SERINC2: variants seen among roughly 807,000 people sequenced by gnomAD.
SERINC2 encodes serine incorporator 2.
Under a neutral mutation model 54.2 loss-of-function variants are expected in SERINC2, and 56 were observed. That is an observed-to-expected ratio of 1.03 (90% CI 0.83 to 1.29). The LOEUF is 1.29. Among genes scored for constraint, SERINC2 ranks in the 50% most tolerant of loss-of-function variants. The probability of loss-of-function intolerance (pLI) is 0.00; values close to 1 mark genes in which losing one functional copy is unlikely to be tolerated. For synonymous variants in SERINC2, 272 were observed against 253.1 expected (o/e 1.07, Z -0.71); for missense variants, 614 against 607.4 (o/e 1.01, Z -0.12).
In SERINC2 at chr1:31,413,794, G is replaced by A; in HGVS notation, c.39+490G>A. The stretch of plus-strand genomic sequence containing the variant: ...GCCAGTCCGCCTGTTCCTGTCGCTC[G>A]GGCTCCGCCTGTCCGTTCGTATTTG... On this transcript the variant is annotated intron_variant, in intron 1 of 9. Coordinates refer to ENST00000373709, the MANE Select transcript of SERINC2 (RefSeq NM_178865.5). This position sits in a 1 kb window ranked among gnomAD's most constrained non-coding sequence, Gnocchi z 5.0. 7 of 1,376,488 alleles carry A rather than the reference G, an allele frequency of 5.1e-6. No individual in the cohort carries two copies. Among genetic ancestry groups the A allele is most frequent in the East Asian group, 3.1e-5 (1 of 32,624 alleles). 85.3% of individuals were successfully genotyped at this position (1,376,488 alleles called of 1,614,324 possible). A position where few individuals can be genotyped will look rare whatever the true frequency, so the allele number is the denominator to read the frequency against.
At chr1:31,420,811 C>T (rs1311525111) in intron 1 of SERINC2, among the ~76,000 whole-genome samples, 6 of 152,182 alleles carry the variant, frequency 3.9e-5, no homozygotes, top group Non-Finnish European at 8.8e-5. Flanking sequence ...ATCACAGTGC[C>T]TGGGACTGAG....
At chr1:31,428,252 C>G (rs1015188972) in intron 6 of SERINC2, among the ~76,000 whole-genome samples, 1 of 151,802 alleles carries the variant, frequency 6.6e-6, no homozygotes, top group Admixed American at 6.6e-5. Flanking sequence ...GTTGGCCAGG[C>G]TGGTCTTGAA....
chr1:31,433,632 G>C (rs575130763), intron 9 of SERINC2, among the ~76,000 whole-genome samples: 1 of 152,282 alleles, frequency 6.6e-6, no homozygotes, highest in East Asian at 1.9e-4. Flanking sequence ...AAAATTGAGA[G>C]TAGGAGGTCA....
intron 6 of SERINC2, among the ~76,000 whole-genome samples, chr1:31,428,582 G>A (rs1371530516): frequency 6.6e-6 from 1 of 152,194 alleles, no homozygotes; most frequent in African/African-American, 2.4e-5. Context: ...CGCTGCCTGT[G>A]CGGAGATGCT....
chr1:31,414,527 T>G (rs1276610287), intron 1 of SERINC2: 9 of 994,068 alleles, frequency 9.1e-6, no homozygotes, highest in Admixed American at 6.0e-5. Context: ...TACAGCCTTT[T>G]TCTGAGAATG....
chr1:31,432,453 A>AG (rs1641332854), intron 8 of SERINC2, among the ~76,000 whole-genome samples: 2 of 152,118 alleles, frequency 1.3e-5, no homozygotes, highest in Admixed American at 6.5e-5. Context: ...CATGAAGGAA[A>AG]GGGAGGCCAT....
rs201830294 is a variant in SERINC2 at position 31,433,193 on chromosome 1, G to A, written c.1232+8G>A. On this transcript the variant is annotated splice_region_variant and intron_variant, in intron 9 of 9. Coordinates refer to ENST00000373709, the MANE Select transcript of SERINC2 (RefSeq NM_178865.5). ...GCTCACCAACTGGTACAAGTGCGTA[G>A]CTGGTGGGGCATGGACAGAGCCCGG... 1 of 1,611,920 alleles carries A rather than the reference G, an allele frequency of 6.2e-7. No individual in the cohort carries two copies. The highest frequency in any genetic ancestry group is 2.2e-5 in the East Asian group (1 of 44,874).
At chr1:31,433,591 G>A (rs1216500351) in intron 9 of SERINC2, among the ~76,000 whole-genome samples, 1 of 152,176 alleles carries the variant, frequency 6.6e-6, no homozygotes, top group African/African-American at 2.4e-5. Flanking sequence ...TGGTCATTTA[G>A]TGTCACAAAT....
At chr1:31,415,906 A>C (rs1640769803) in intron 1 of SERINC2, 3 of 985,606 alleles carry the variant, frequency 3.0e-6, no homozygotes, top group Non-Finnish European at 3.6e-6. Context: ...ACTGGGCTGA[A>C]GGTGGGTCCT....
upstream of SERINC2, among the ~76,000 whole-genome samples, chr1:31,412,402 G>T (rs1392445158): frequency 2.0e-5 from 3 of 152,184 alleles, no homozygotes; most frequent in Non-Finnish European, 4.4e-5. Flanking sequence ...CCAAGCAGGG[G>T]TGGCTGTAGG....
chr1:31,431,769 G>C (rs797025394), intron 8 of SERINC2, among the ~76,000 whole-genome samples: 32 of 28,324 alleles, frequency 1.1e-3, no homozygotes, highest in South Asian at 4.6e-3. Flanking sequence ...AGAGGGTGGA[G>C]AGGGTGAATA....
chr1:31,429,311 G>A, intron 7 of SERINC2, 86 bp from the exon 8 acceptor site: 6 of 1,484,292 alleles, frequency 4.0e-6, no homozygotes, highest in Non-Finnish European at 5.5e-6. Flanking sequence ...TGTCTATTAG[G>A]GGTGGCTCTC....
In SERINC2 at chr1:31,413,548, C is replaced by G. The variant is rs1640698218; in HGVS notation, c.39+244C>G. Among the ~76,000 whole-genome samples, 1 of 151,958 alleles carries G rather than the reference C, an allele frequency of 6.6e-6. No homozygotes were observed. The highest frequency in any genetic ancestry group is 1.5e-5 in the Non-Finnish European group (1 of 67,888). On this transcript the variant is annotated intron_variant, in intron 1 of 9. Coordinates refer to ENST00000373709, the MANE Select transcript of SERINC2 (RefSeq NM_178865.5). The surrounding 1 kb of genome is among the most constrained non-coding windows in gnomAD (Gnocchi z 5.0). ...CAGCTGCGGTCCCGGCTCGGGTTTC[C>G]GCGGGCAGGAGGGGAGTGCCCTCGG...
chr1:31,417,758 T>C (rs560012733), intron 1 of SERINC2, among the ~76,000 whole-genome samples: 2 of 151,970 alleles, frequency 1.3e-5, no homozygotes, highest in East Asian at 3.9e-4. Context: ...CTAAGTGGAG[T>C]CATACAATAT....
chr1:31,416,715 T>C (rs1453075718), intron 1 of SERINC2, among the ~76,000 whole-genome samples: 1 of 152,170 alleles, frequency 6.6e-6, no homozygotes, highest in Non-Finnish European at 1.5e-5. Context: ...TATTTCATTT[T>C]ATTTTATTTT....
intron 3 of SERINC2, 35 bp downstream of exon 3, chr1:31,424,908 T>A: frequency 3.2e-6 from 5 of 1,553,656 alleles, no homozygotes; most frequent in Non-Finnish European, 4.4e-6. Context: ...CCCTGGGACC[T>A]TCCCCCAGTG....
In SERINC2 at chr1:31,434,256, G is replaced by T; in HGVS notation, c.*57G>T. On this transcript the variant is annotated 3_prime_UTR_variant, in exon 10 of 10. Transcript: ENST00000373709. Reference sequence around the variant, plus strand: ...CTGCCACCTGGTGCCTCTCGGCTCAGTGACAGCCAACCTGCCCCCTCCCCA... The same window carrying T: ...CTGCCACCTGGTGCCTCTCGGCTCATTGACAGCCAACCTGCCCCCTCCCCA... 1.3e-6 allele frequency: 2 copies of T among 1,559,748 alleles called. No homozygotes were observed. The highest frequency in any genetic ancestry group is 1.2e-5 in the South Asian group (1 of 84,928).
chr1:31,434,078 G>A lies in SERINC2; in HGVS notation c.1247G>A (p.Arg416Gln), dbSNP rs782711858. The A allele has an allele frequency of 3.0e-5, 49 of 1,613,810 alleles. No individual in the cohort carries two copies. The highest frequency in any genetic ancestry group is 6.6e-5 in the South Asian group (6 of 91,090). Residue 416 changes from arginine to glutamine, a missense_variant, in exon 10 of 10, where the codon CGG becomes CAG. Transcript: ENST00000373709. Reference protein sequence around the residue: ...LTNWYKPGETRKMISTWTAVW... With the variant: ...LTNWYKPGETQKMISTWTAVW... ...GTGTGTTCCAGGCCCGGTGAGACCC[G>A]GAAGATGATCAGCACGTGGACCGCC... is the stretch of plus-strand genomic sequence containing the variant.
chr1:31,410,371 T>C, upstream of SERINC2: 6 of 1,546,998 alleles, frequency 3.9e-6, no homozygotes, highest in Non-Finnish European at 5.2e-6. Context: ...AAAAAACTTA[T>C]CTTTATTTTA....
Sources: gnomAD v4.1 joint callset for allele counts (sites outside exome capture counted in the v4.1 genomes callset) on GRCh38, gnomAD v4.1.1 for gene constraint, Gnocchi (gnomAD v3.1) non-coding constraint, MANE v1.5 for transcripts, NCBI Gene and HGNC (gene_info 2026-07-23, HGNC 2026-07-21) for gene names.